The following ANKRD30BL variants were observed in gnomAD, a reference collection of about 807,000 sequenced individuals.
The protein encoded by ANKRD30BL is ankyrin repeat domain 30B like.
In ANKRD30BL, 20 loss-of-function variants were observed where a neutral mutation model predicts 18.4. The observed-to-expected ratio is 1.09, with a 90% CI of 0.77 to 1.58. The LOEUF (loss-of-function observed/expected upper bound fraction) is 1.58. Among genes scored for constraint, ANKRD30BL ranks in the 40% most tolerant of loss-of-function variants. The pLI is 0.00. For synonymous variants in ANKRD30BL, 72 were observed against 100.9 expected (o/e 0.71, Z 1.72); for missense variants, 224 against 268.6 (o/e 0.83, Z 1.16).
At chr2:132,197,041 A>C (rs1474342766) in intron 1 of ANKRD30BL, among the ~76,000 whole-genome samples, 1 of 152,194 alleles carries the variant, frequency 6.6e-6, no homozygotes, top group East Asian at 1.9e-4. Flanking sequence ...GTATTCATCC[A>C]CTCAGCAAAC....
intron 1 of ANKRD30BL, among the ~76,000 whole-genome samples, chr2:132,214,573 C>A (rs1046674158): frequency 1.3e-5 from 2 of 151,682 alleles, no homozygotes; most frequent in Non-Finnish European, 2.9e-5. Context: ...TGGAGTTGAA[C>A]CTTCCTTTTG....
chr2:132,172,654 T>C (rs1688301788), intron 1 of ANKRD30BL, among the ~76,000 whole-genome samples: 1 of 152,152 alleles, frequency 6.6e-6, no homozygotes, highest in Admixed American at 6.5e-5. Context: ...ATATCACATA[T>C]GTGATTTGCA....
intron 1 of ANKRD30BL, among the ~76,000 whole-genome samples, chr2:132,221,642 TG>T (rs1408856687): frequency 3.7e-5 from 3 of 82,096 alleles, no homozygotes; most frequent in African/African-American, 7.1e-5. Context: ...GGGAGGGAGG[TG>T]GGGGGTTCAG....
At chr2:132,227,303 G>C (rs1348662650) in intron 1 of ANKRD30BL, among the ~76,000 whole-genome samples, 1 of 152,062 alleles carries the variant, frequency 6.6e-6, no homozygotes, top group East Asian at 1.9e-4. Context: ...GAACAGTTTT[G>C]AAACATTCTT....
intron 1 of ANKRD30BL, among the ~76,000 whole-genome samples, chr2:132,198,672 C>G (rs1298339035): frequency 2.0e-5 from 3 of 150,132 alleles, no homozygotes; most frequent in Non-Finnish European, 3.0e-5. Flanking sequence ...AGGCTGCAGT[C>G]CAGCAGTGAG....
intron 1 of ANKRD30BL, among the ~76,000 whole-genome samples, chr2:132,223,261 C>T (rs1030359179): frequency 2.6e-5 from 4 of 151,906 alleles, no homozygotes; most frequent in South Asian, 2.1e-4. Flanking sequence ...TTGAGGCCTT[C>T]GTTTGAAACG....
chr2:132,200,277 A>G (rs572691253), intron 1 of ANKRD30BL, among the ~76,000 whole-genome samples: 1 of 149,968 alleles, frequency 6.7e-6, no homozygotes, highest in Non-Finnish European at 1.5e-5. Context: ...CAACATAGTG[A>G]TGGAAGTTCT....
chr2:132,203,425 T>C (rs1679148012), intron 1 of ANKRD30BL, among the ~76,000 whole-genome samples: 1 of 152,216 alleles, frequency 6.6e-6, no homozygotes, highest in Admixed American at 6.6e-5. Flanking sequence ...TTTATAAAGG[T>C]GCTGTATTAA....
At chr2:132,198,867 C>G (rs12468898) in intron 1 of ANKRD30BL, among the ~76,000 whole-genome samples, 2 of 152,170 alleles carry the variant, frequency 1.3e-5, no homozygotes, top group Non-Finnish European at 2.9e-5. Context: ...ATCCACCCAG[C>G]TAGGCCTCCC....
chr2:132,221,740 G>T (rs1679692827), intron 1 of ANKRD30BL, among the ~76,000 whole-genome samples: 1 of 104,140 alleles, frequency 9.6e-6, no homozygotes, highest in Non-Finnish European at 1.8e-5. Flanking sequence ...GGGAGGTGAG[G>T]GGCGCCTCTG....
rs1363925328 is a variant in ANKRD30BL, at chr2:132,253,934, T to C, written n.441+3595A>G. ...GTGACGATGGTGGCAGCGGCAGCGATGGGAACCTGGCCAGCCCCAAAGGGA... is the reference window on the plus strand; with the variant it reads ...GTGACGATGGTGGCAGCGGCAGCGACGGGAACCTGGCCAGCCCCAAAGGGA... On this transcript the variant is annotated intron_variant and non_coding_transcript_variant, in intron 1 of 4. Transcript: ENST00000470729. Among the ~76,000 whole-genome samples the C allele has an allele frequency of 8.6e-5, 13 of 151,722 alleles. No homozygotes were observed. In the South Asian group the frequency reaches 2.5e-3, roughly 29 times the overall value.
chr2:132,148,382 T>G (rs1687668120), intron 5 of ANKRD30BL, among the ~76,000 whole-genome samples, 154 bp from the exon 6 acceptor site: 1 of 117,398 alleles, frequency 8.5e-6, no homozygotes, highest in Non-Finnish European at 1.7e-5. Context: ...TTTTTTTTTT[T>G]TGAGACAAGA....
chr2:132,159,151 A>T (rs895102663), intron 1 of ANKRD30BL, among the ~76,000 whole-genome samples: 6 of 152,230 alleles, frequency 3.9e-5, no homozygotes, highest in African/African-American at 1.2e-4. Flanking sequence ...GTGTGTATGT[A>T]TAATCAAACT....
intron 1 of ANKRD30BL, among the ~76,000 whole-genome samples, chr2:132,254,417 C>G (rs1203575594): frequency 7.5e-6 from 1 of 134,186 alleles, no homozygotes; most frequent in Non-Finnish European, 1.6e-5. Context: ...TAGTCAAGTT[C>G]GACTGTCTTC....
chr2:132,207,048 C>G (rs1679224913), intron 1 of ANKRD30BL, among the ~76,000 whole-genome samples: 1 of 152,104 alleles, frequency 6.6e-6, no homozygotes, highest in African/African-American at 2.4e-5. Flanking sequence ...ATGAGCTCAT[C>G]TAGCATATCA....
At chr2:132,240,462 T>A (rs929366092) in intron 1 of ANKRD30BL, among the ~76,000 whole-genome samples, 2 of 151,918 alleles carry the variant, frequency 1.3e-5, no homozygotes, top group African/African-American at 4.8e-5. Flanking sequence ...TGGAACGCTT[T>A]GAGGCCCATG....
chr2:132,236,432 A>C (rs557029634), intron 1 of ANKRD30BL, among the ~76,000 whole-genome samples: 1 of 152,274 alleles, frequency 6.6e-6, no homozygotes, highest in Non-Finnish European at 1.5e-5. Flanking sequence ...TTACAAGAAA[A>C]AAACAAACAA....
chr2:132,214,243 T>C (rs1210098673), intron 1 of ANKRD30BL, among the ~76,000 whole-genome samples: 3 of 151,998 alleles, frequency 2.0e-5, no homozygotes, highest in Non-Finnish European at 2.9e-5. Flanking sequence ...TTCCTTTTAA[T>C]TGAGCAGTTT....
chr2:132,218,754 A>C (rs1318527945), intron 1 of ANKRD30BL, among the ~76,000 whole-genome samples: 1 of 151,868 alleles, frequency 6.6e-6, no homozygotes, highest in Non-Finnish European at 1.5e-5. Context: ...AAAATCTGGA[A>C]GTGGATATTT....
Sources: allele counts gnomAD v4.1 joint callset (sites outside exome capture counted in the v4.1 genomes callset), GRCh38; gene constraint gnomAD v4.1.1; transcripts MANE v1.5; gene names NCBI Gene and HGNC (gene_info 2026-07-23, HGNC 2026-07-21).